Variants in SIPA1L1 observed in about 807,000 individuals in gnomAD.
SIPA1L1 encodes the protein signal induced proliferation associated 1 like 1, also known as signal-induced proliferation-associated 1-like protein 1.
Under a neutral mutation model 162.7 loss-of-function variants are expected in SIPA1L1, and 26 were observed. That is an observed-to-expected ratio of 0.16 (90% CI 0.12 to 0.22). The LOEUF (loss-of-function observed/expected upper bound fraction) is 0.22. Ranked by LOEUF, SIPA1L1 falls within the 10% of genes least tolerant of loss-of-function variation. The probability of loss-of-function intolerance (pLI) is 1.00; values close to 1 mark genes in which losing one functional copy is unlikely to be tolerated. For missense variants in SIPA1L1, 1,874 were observed against 2,241.0 expected, an observed-to-expected ratio of 0.84 and a Z score of 3.31; for synonymous variants, 829 against 837.4, an observed-to-expected ratio of 0.99 and a Z score of 0.17.
At chr14:71,384,246 T>A (rs897054937) in intron 2 of SIPA1L1, among the ~76,000 whole-genome samples, 4 of 152,236 alleles carry the variant, frequency 2.6e-5, no homozygotes, top group African/African-American at 9.6e-5. Context: ...CTTTGCTTTC[T>A]TTCTGAGTTG....
intron 14 of SIPA1L1, 148 bp downstream of exon 14, chr14:71,699,275 G>A: frequency 1.3e-6 from 1 of 780,872 alleles, no homozygotes; most frequent in Non-Finnish European, 2.0e-6. Flanking sequence ...AATCCAGATA[G>A]AAAAATGGCT....
chr14:71,617,059 A>G (rs552562118), intron 5 of SIPA1L1, among the ~76,000 whole-genome samples: 12 of 152,256 alleles, frequency 7.9e-5, no homozygotes, highest in African/African-American at 2.9e-4. Flanking sequence ...CAGCGGTACA[A>G]TATCCTCTGA....
intron 2 of SIPA1L1, among the ~76,000 whole-genome samples, chr14:71,392,532 T>C (rs556521656): frequency 2.6e-5 from 4 of 152,302 alleles, no homozygotes; most frequent in African/African-American, 4.8e-5. Context: ...TACAGTACTA[T>C]TGAAACTTTT....
Position 71,618,791 on chromosome 14 carries a change from T to C in SIPA1L1, c.1533T>C (p.Leu511=). 1 of 1,613,970 alleles carries C rather than the reference T, an allele frequency of 6.2e-7. No homozygotes were observed. The highest frequency in any genetic ancestry group is 8.5e-7 in the Non-Finnish European group (1 of 1,179,900). Residue 511 remains leucine (L), a synonymous_variant, in exon 6 of 24, where the codon CTT becomes CTC. Coordinates refer to ENST00000381232, the MANE Select transcript of SIPA1L1 (RefSeq NM_001386936.1). ...HWNYFGADEN[L]GPVAVSIRRE... The stretch of plus-strand genomic sequence containing the variant: ...ACTATTTTGGGGCTGATGAGAATCT[T>C]GGTCCAGTGGCTGTGAGCATTCGAA...
At chr14:71,356,567 C>CCAAAAAAAAAAAAAAAAAAAAA (rs777415215) in intron 2 of SIPA1L1, among the ~76,000 whole-genome samples, 4 of 39,162 alleles carry the variant, frequency 1.0e-4, no homozygotes, top group African/African-American at 4.4e-4. Context: ...CTTGTCTCTA[C>CCAAAAAAAAAAAAAAAAAAAAA]AAAAAAAAAA....
intron 2 of SIPA1L1, among the ~76,000 whole-genome samples, chr14:71,457,301 A>ATT (rs34181116): frequency 5.7e-5 from 8 of 139,766 alleles, no homozygotes; most frequent in African/African-American, 1.3e-4. Context: ...TGCAATGAAC[A>ATT]TTTTTTTTTT....
At chr14:71,384,982 T>G (rs1160016113) in intron 2 of SIPA1L1, among the ~76,000 whole-genome samples, 1 of 152,166 alleles carries the variant, frequency 6.6e-6, no homozygotes, top group Non-Finnish European at 1.5e-5. Flanking sequence ...ATCGGACTTG[T>G]GGAGAGGACA....
chr14:71,625,870 A>T (rs935837359), intron 7 of SIPA1L1, among the ~76,000 whole-genome samples: 1 of 152,204 alleles, frequency 6.6e-6, no homozygotes, highest in Non-Finnish European at 1.5e-5. Flanking sequence ...CTTTTGTTTT[A>T]ACTATATTAA....
chr14:71,622,424 C>T (rs1301644352), intron 6 of SIPA1L1, among the ~76,000 whole-genome samples: 3 of 152,158 alleles, frequency 2.0e-5, no homozygotes, highest in East Asian at 1.9e-4. Flanking sequence ...TTCTTTTTCT[C>T]ATCTGCTTTG....
chr14:71,668,184 G>A (rs571059089), intron 10 of SIPA1L1, among the ~76,000 whole-genome samples: 11 of 152,176 alleles, frequency 7.2e-5, no homozygotes, highest in African/African-American at 2.6e-4. Flanking sequence ...GGCCCATATC[G>A]AGTAGAAATA....
chr14:71,649,435 G>GC (rs955368218), intron 7 of SIPA1L1, among the ~76,000 whole-genome samples: 8 of 151,984 alleles, frequency 5.3e-5, no homozygotes, highest in African/African-American at 1.9e-4. Context: ...CAAGTGATCT[G>GC]CCCCCCTCAG....
At chr14:71,470,176 C>G (rs2047339868) in intron 2 of SIPA1L1, among the ~76,000 whole-genome samples, 1 of 152,262 alleles carries the variant, frequency 6.6e-6, no homozygotes, top group Admixed American at 6.5e-5. Context: ...TTATGAAGAA[C>G]CTTTGAATGT....
At chr14:71,480,654 C>T (rs1310443152) in intron 2 of SIPA1L1, among the ~76,000 whole-genome samples, 4 of 151,632 alleles carry the variant, frequency 2.6e-5, no homozygotes, top group Admixed American at 6.6e-5. Flanking sequence ...CCCAGCTACT[C>T]GGGATGCTGA....
rs536532689 is a variant in SIPA1L1 at position 71,692,163 on chromosome 14, A to G, written c.3374+6532A>G. Among the ~76,000 whole-genome samples, 9 of 152,340 alleles carry G rather than the reference A, an allele frequency of 5.9e-5. 1 individual carries two copies. The South Asian group carries it at 8.3e-4, about 14-fold the overall frequency. ...AGTAACTGGGGACAGAATTTAATCT[A>G]TCTTGGAGAAAATAAACCAATTTCC... is the stretch of plus-strand genomic sequence containing the variant. On this transcript the variant is annotated intron_variant, in intron 13 of 23. Coordinates refer to ENST00000381232, the MANE Select transcript of SIPA1L1 (RefSeq NM_001386936.1).
chr14:71,425,044 A>G (rs1379364333), intron 2 of SIPA1L1, among the ~76,000 whole-genome samples: 2 of 151,996 alleles, frequency 1.3e-5, no homozygotes, highest in Non-Finnish European at 2.9e-5. Flanking sequence ...TTTTTTGCAT[A>G]CAGTTCTTCA....
intron 2 of SIPA1L1, among the ~76,000 whole-genome samples, chr14:71,420,179 C>T (rs749438650): frequency 6.6e-5 from 10 of 151,912 alleles, no homozygotes; most frequent in Non-Finnish European, 1.0e-4. Context: ...TTAGTATTAG[C>T]CAGGATAGAA....
At chr14:71,442,172 CAAAAAAAA>C (rs368432068) in intron 2 of SIPA1L1, among the ~76,000 whole-genome samples, 2 of 26,092 alleles carry the variant, frequency 7.7e-5, no homozygotes, top group African/African-American at 1.1e-4. Context: ...GACTCTGTCT[CAAAAAAAA>C]AAAAAAAAAA....
chr14:71,613,448 G>T (rs2038454386), intron 5 of SIPA1L1, among the ~76,000 whole-genome samples: 1 of 151,486 alleles, frequency 6.6e-6, no homozygotes, highest in Admixed American at 6.6e-5. Flanking sequence ...ATTCTAATAT[G>T]GTGATTGCTG....
rs557057981 is a variant in SIPA1L1 at position 71,536,200 on chromosome 14, A to G, written c.-303+6830A>G. On this transcript the variant is annotated intron_variant, in intron 4 of 23. Coordinates refer to ENST00000381232, the MANE Select transcript of SIPA1L1 (RefSeq NM_001386936.1). ...ATGTAAGCAACAGTCATCTCCCTGG[A>G]TATGAAAGTAGTTGTCCTTTGTGCT... Among the ~76,000 whole-genome samples the G allele has an allele frequency of 2.0e-4, 30 of 150,958 alleles. No homozygotes were observed. In the South Asian group the frequency reaches 5.9e-3, roughly 30 times the overall value.
Sources: allele counts gnomAD v4.1 joint callset (sites outside exome capture counted in the v4.1 genomes callset), GRCh38; gene constraint gnomAD v4.1.1; transcripts MANE v1.5; gene names NCBI Gene and HGNC (gene_info 2026-07-23, HGNC 2026-07-21).